The following COMMD1 variants were observed in gnomAD, a reference collection of about 807,000 sequenced individuals.
COMMD1 encodes the protein copper metabolism domain containing 1.
A neutral mutation model predicts 17.2 loss-of-function variants in COMMD1; 10 were observed. The ratio of observed to expected loss-of-function variants is 0.58; its 90% CI spans 0.36 to 0.99. The LOEUF (loss-of-function observed/expected upper bound fraction) is 0.99. Ranked by LOEUF, COMMD1 falls within the 50% of genes least tolerant of loss-of-function variation. The pLI, the probability that COMMD1 is intolerant of heterozygous loss-of-function variation, is 0.01. For synonymous variants in COMMD1, 97 were observed against 91.6 expected (o/e 1.06, Z -0.34); for missense variants, 270 against 231.8 (o/e 1.17, Z -1.07).
chr2:61,954,945 G>A (rs912503675), intron 1 of COMMD1, among the ~76,000 whole-genome samples: 1 of 152,182 alleles, frequency 6.6e-6, no homozygotes, highest in Non-Finnish European at 1.5e-5. Context: ...AAAGTGCTGG[G>A]ATTACAGGCG....
chr2:62,082,912 G>A (rs1250877989), intron 2 of COMMD1, among the ~76,000 whole-genome samples: 1 of 152,026 alleles, frequency 6.6e-6, no homozygotes, highest in Non-Finnish European at 1.5e-5. Flanking sequence ...TCCCTTCCTT[G>A]ATATCAGCTA....
chr2:61,909,000 C>G (rs967470511), intron 1 of COMMD1, among the ~76,000 whole-genome samples: 2 of 152,192 alleles, frequency 1.3e-5, no homozygotes, highest in Admixed American at 6.5e-5. Context: ...GCAATCTCGG[C>G]TCTCCGCAAC....
At chr2:62,069,236 A>G (rs1558585570) in intron 2 of COMMD1, among the ~76,000 whole-genome samples, 2 of 152,004 alleles carry the variant, frequency 1.3e-5, no homozygotes, top group Non-Finnish European at 2.9e-5. Flanking sequence ...GGCTCAAGCT[A>G]TCCTCCTGCC....
intron 2 of COMMD1, among the ~76,000 whole-genome samples, chr2:62,043,222 G>T (rs551667527): frequency 6.6e-6 from 1 of 152,216 alleles, no homozygotes; most frequent in Non-Finnish European, 1.5e-5. Flanking sequence ...AAGAACAGCA[G>T]TTACTATTCA....
At chr2:62,125,509 G>T (rs1027325342) in intron 2 of COMMD1, among the ~76,000 whole-genome samples, 3 of 151,924 alleles carry the variant, frequency 2.0e-5, no homozygotes, top group Non-Finnish European at 4.4e-5. Context: ...TAGTAGATGT[G>T]GGACTTATTG....
At chr2:61,982,146 T>C (rs916182001) in intron 1 of COMMD1, among the ~76,000 whole-genome samples, 2 of 152,220 alleles carry the variant, frequency 1.3e-5, no homozygotes, top group African/African-American at 2.4e-5. Flanking sequence ...TTTTTTTTGG[T>C]GTTACCTTCA....
intron 2 of COMMD1, among the ~76,000 whole-genome samples, chr2:62,104,768 T>G (rs1207715101): frequency 6.6e-6 from 1 of 151,956 alleles, no homozygotes; most frequent in Non-Finnish European, 1.5e-5. Context: ...TGCTAGGTGC[T>G]AGAGATAAAA....
chr2:61,905,002 G>A (rs1669735857), upstream of COMMD1, among the ~76,000 whole-genome samples: 1 of 152,202 alleles, frequency 6.6e-6, no homozygotes, highest in Non-Finnish European at 1.5e-5. Context: ...GTTGTAGCAT[G>A]TATCAGTACT....
At chr2:62,127,849 C>A (rs576827205) in intron 2 of COMMD1, among the ~76,000 whole-genome samples, 1 of 151,810 alleles carries the variant, frequency 6.6e-6, no homozygotes, top group South Asian at 2.1e-4. Flanking sequence ...CATGGTGAAA[C>A]CCCATCACTA....
At chr2:62,045,680 G>T (rs1402602786) in intron 2 of COMMD1, among the ~76,000 whole-genome samples, 1 of 150,282 alleles carries the variant, frequency 6.7e-6, no homozygotes, top group Non-Finnish European at 1.5e-5. Flanking sequence ...GGCATTGCAG[G>T]TGTGAGCCAC....
intron 1 of COMMD1, chr2:61,928,631 T>C (rs1670387824): frequency 6.6e-6 from 1 of 152,094 alleles, no homozygotes; most frequent in South Asian, 2.1e-4. Context: ...TTAAGGGTGG[T>C]CAAGTGAAGC....
chr2:62,042,781 C>T (rs1448409572), intron 2 of COMMD1, among the ~76,000 whole-genome samples: 1 of 152,202 alleles, frequency 6.6e-6, no homozygotes, highest in Non-Finnish European at 1.5e-5. Context: ...GCATAAGCCA[C>T]CACACACCCG....
chr2:62,076,433 A>G (rs887865387), intron 2 of COMMD1, among the ~76,000 whole-genome samples: 6 of 152,182 alleles, frequency 3.9e-5, no homozygotes, highest in African/African-American at 1.4e-4. Context: ...GAGATGGGAA[A>G]GAGGTCAAGT....
At chr2:61,896,931 GT>G (rs1669562913) in intron 1 of COMMD1, among the ~76,000 whole-genome samples, 1 of 150,788 alleles carries the variant, frequency 6.6e-6, no homozygotes, top group South Asian at 2.1e-4. Context: ...CCAGGTTCAA[GT>G]GATTCTCATG....
chr2:62,024,942 A>G (rs1184766641), intron 2 of COMMD1, among the ~76,000 whole-genome samples: 1 of 152,180 alleles, frequency 6.6e-6, no homozygotes, highest in African/African-American at 2.4e-5. Flanking sequence ...GCTTAAAAGA[A>G]AAGGCCAGGC....
intron 1 of COMMD1, among the ~76,000 whole-genome samples, chr2:61,962,074 A>G (rs1558538368): frequency 6.6e-6 from 1 of 152,332 alleles, no homozygotes; most frequent in South Asian, 2.1e-4. Flanking sequence ...TTTAAGAGTG[A>G]TACACGAAGA....
At chr2:61,902,444 T>C (rs977397148), upstream of COMMD1, among the ~76,000 whole-genome samples, 1 of 151,504 alleles carries the variant, frequency 6.6e-6, no homozygotes, top group Non-Finnish European at 1.5e-5. Flanking sequence ...AGGCGGAGGT[T>C]GTGGTGAGCC....
chr2:61,961,814 C>G (rs1671350580), intron 1 of COMMD1, among the ~76,000 whole-genome samples: 1 of 151,858 alleles, frequency 6.6e-6, no homozygotes, highest in African/African-American at 2.4e-5. Context: ...TTCATTTCTG[C>G]TATTTTATTT....
At chr2:62,004,177 A>C (rs1247273384) in intron 2 of COMMD1, among the ~76,000 whole-genome samples, 1 of 152,356 alleles carries the variant, frequency 6.6e-6, no homozygotes, top group East Asian at 1.9e-4. Flanking sequence ...GATTGTATAC[A>C]TATGTCAAAA....
Sources: gnomAD v4.1 joint callset for allele counts (sites outside exome capture counted in the v4.1 genomes callset) on GRCh38, gnomAD v4.1.1 for gene constraint, MANE v1.5 for transcripts, NCBI Gene and HGNC (gene_info 2026-07-23, HGNC 2026-07-21) for gene names.